Variants in NOL4 observed in about 807,000 individuals in gnomAD.
The protein encoded by NOL4 is cancer/testis antigen 125.
In NOL4, 17 loss-of-function variants were observed where a neutral mutation model predicts 75.9. The observed-to-expected ratio is 0.22, with a 90% CI of 0.15 to 0.34. The LOEUF (loss-of-function observed/expected upper bound fraction) is 0.34. NOL4 is among the 10% of genes least tolerant of loss of function. The probability of loss-of-function intolerance (pLI) is 1.00; values close to 1 mark genes in which losing one functional copy is unlikely to be tolerated. For missense variants in NOL4, 614 were observed against 793.5 expected (o/e 0.77, Z 2.72); for synonymous variants, 292 against 289.9 (o/e 1.01, Z -0.07).
intron 8 of NOL4, among the ~76,000 whole-genome samples, chr18:33,944,041 T>A (rs63489263): frequency 2.7e-5 from 4 of 149,782 alleles, no homozygotes; most frequent in Non-Finnish European, 3.0e-5. Flanking sequence ...AAGTTTTTTT[T>A]AAATTAAGAT....
intron 1 of NOL4, among the ~76,000 whole-genome samples, chr18:34,213,016 C>T (rs1301131564): frequency 6.6e-6 from 1 of 152,076 alleles, no homozygotes; most frequent in Non-Finnish European, 1.5e-5. Context: ...TTATGGGGCT[C>T]GTCATGTTCA....
intron 1 of NOL4, among the ~76,000 whole-genome samples, chr18:34,216,731 A>G (rs2036917697): frequency 6.6e-6 from 1 of 151,496 alleles, no homozygotes; most frequent in Non-Finnish European, 1.5e-5. Flanking sequence ...CTCATTTATC[A>G]TTAGAGAAAG....
At position 33,883,384 on chromosome 18, in the gene NOL4, G is replaced by A. The variant is rs778803001; in HGVS notation, c.1583C>T (p.Ala528Val). Residue 528 changes from alanine (A) to valine (V), a missense_variant, in exon 10 of 11, where the codon GCG (alanine) becomes GTG (valine). This residue lies in a region of NOL4 where 128 missense variants were observed against 159.9 expected (regional missense o/e 0.80). Coordinates refer to ENST00000261592, the MANE Select transcript of NOL4 (RefSeq NM_003787.5). ...TGATGTTGAGTAAGTGGCCTGGGTC[G>A]CCTCTGGTTTACACTGTTTGTCAGC... Reference protein sequence around the residue: ...APADKQCKPEATQATYSTSAV... With the variant: ...APADKQCKPEVTQATYSTSAV... 5.6e-6 allele frequency: 9 copies of A among 1,612,272 alleles called. No homozygotes were observed. The highest frequency in any genetic ancestry group is 4.5e-5 in the East Asian group (2 of 44,792).
At chr18:34,054,785 C>G (rs913298471) in intron 5 of NOL4, among the ~76,000 whole-genome samples, 1 of 151,718 alleles carries the variant, frequency 6.6e-6, no homozygotes, top group Non-Finnish European at 1.5e-5. Context: ...TATTACTTCT[C>G]CTTTCCTCTC....
chr18:33,868,617 T>G (rs987616885), intron 10 of NOL4, among the ~76,000 whole-genome samples: 15 of 151,044 alleles, frequency 9.9e-5, no homozygotes, highest in African/African-American at 3.7e-4. Context: ...GTATGTTTAA[T>G]GGTCATATGA....
At chr18:33,889,972 G>A (rs910994163) in intron 9 of NOL4, among the ~76,000 whole-genome samples, 8 of 152,094 alleles carry the variant, frequency 5.3e-5, no homozygotes, top group South Asian at 4.2e-4. Flanking sequence ...TTTGAAAACC[G>A]GCACAAGACA....
At chr18:33,854,192 T>A (rs1324587227) in intron 10 of NOL4, among the ~76,000 whole-genome samples, 1 of 152,116 alleles carries the variant, frequency 6.6e-6, no homozygotes, top group Non-Finnish European at 1.5e-5. Context: ...AGAGATGTTA[T>A]TTTATCCTTT....
chr18:34,221,938 T>C (rs1016672534), intron 1 of NOL4: 5 of 1,172,096 alleles, frequency 4.3e-6, no homozygotes, highest in Non-Finnish European at 6.1e-6. Flanking sequence ...AAGGAAGAAA[T>C]GCTCAAGAAA....
chr18:33,914,339 T>G (rs1038800252), intron 9 of NOL4, among the ~76,000 whole-genome samples: 20 of 151,874 alleles, frequency 1.3e-4, no homozygotes, highest in African/African-American at 4.6e-4. Context: ...TACAAGGAAG[T>G]CTGTGTGGTA....
intron 9 of NOL4, among the ~76,000 whole-genome samples, chr18:33,925,873 TTATAAA>T (rs2067294099): frequency 6.6e-6 from 1 of 152,190 alleles, no homozygotes; most frequent in Non-Finnish European, 1.5e-5. Flanking sequence ...CCCATTTGTT[TTATAAA>T]ATAAATTTGT....
chr18:34,127,433 A>G (rs1256478108), intron 2 of NOL4, among the ~76,000 whole-genome samples: 1 of 151,916 alleles, frequency 6.6e-6, no homozygotes, highest in Non-Finnish European at 1.5e-5. Flanking sequence ...GTCAATAAAC[A>G]TAATCATCAT....
chr18:34,116,616 G>A (rs1301272174), intron 2 of NOL4, among the ~76,000 whole-genome samples: 1 of 152,066 alleles, frequency 6.6e-6, no homozygotes, highest in Non-Finnish European at 1.5e-5. Context: ...TAGTATCAGA[G>A]TCTTCAGAAA....
At chr18:34,120,047 T>C (rs564489448) in intron 2 of NOL4, among the ~76,000 whole-genome samples, 137 of 152,354 alleles carry the variant, frequency 9.0e-4, no homozygotes, top group South Asian at 2.3e-3. Flanking sequence ...GAAATTCAAA[T>C]ATAACTGGTT....
chr18:34,028,905 G>A (rs1329010259), intron 5 of NOL4, among the ~76,000 whole-genome samples: 2 of 152,164 alleles, frequency 1.3e-5, no homozygotes, highest in Admixed American at 1.3e-4. Flanking sequence ...TCCAATTTTT[G>A]AAGAGTATTA....
chr18:33,888,475 A>G (rs1049941295), intron 9 of NOL4, among the ~76,000 whole-genome samples: 6 of 152,100 alleles, frequency 3.9e-5, no homozygotes, highest in Non-Finnish European at 7.4e-5. Context: ...TTGGTATTTT[A>G]GACATGAAGT....
rs66465203 is a variant in NOL4 at position 34,064,918 on chromosome 18, AACACACACACAC to A, written c.772+28535_772+28546del. Among the ~76,000 whole-genome samples the A allele has an allele frequency of 6.0e-3, 573 of 95,558 alleles. 4 individuals carry two copies. The highest frequency in any genetic ancestry group is 0.018 in the African/African-American group (553 of 30,840). The allele number at this position is 95,558 out of a possible 152,430, so 62.7% of individuals were successfully genotyped here. On this transcript the variant is annotated intron_variant, in intron 5 of 10. Transcript: ENST00000261592. ...AGTTTTATTCCCTATGGTATTTTTTAACACACACACACACACACACACACACACACACACATC... is the reference window on the plus strand; with the variant it reads ...AGTTTTATTCCCTATGGTATTTTTTAACACACACACACACACACACACATC...
intron 9 of NOL4, among the ~76,000 whole-genome samples, chr18:33,905,164 T>C (rs2065960128): frequency 6.6e-6 from 1 of 152,166 alleles, no homozygotes; most frequent in Non-Finnish European, 1.5e-5. Context: ...AATTGCCAAA[T>C]ATGTTAACTG....
intron 10 of NOL4, among the ~76,000 whole-genome samples, chr18:33,882,957 CA>C (rs2064386699): frequency 6.6e-6 from 1 of 151,472 alleles, no homozygotes; most frequent in Non-Finnish European, 1.5e-5. Context: ...ATCGCAAGAA[CA>C]AAAAACCAAA....
chr18:34,111,119 C>T (rs114283801), intron 2 of NOL4, among the ~76,000 whole-genome samples: 1,986 of 152,014 alleles, frequency 0.013, 47 homozygotes, highest in African/African-American at 0.045. Context: ...AATAAATTGG[C>T]CCTTGTATCA....
Sources: gnomAD v4.1 joint callset for allele counts (sites outside exome capture counted in the v4.1 genomes callset) on GRCh38, gnomAD v4.1.1 for gene constraint, gnomAD v4.1.1 regional missense constraint, MANE v1.5 for transcripts, NCBI Gene and HGNC (gene_info 2026-07-23, HGNC 2026-07-21) for gene names.